The following CDKN2B-AS1 variants were observed in gnomAD, a reference collection of about 807,000 sequenced individuals.
CDKN2B-AS1 encodes CDKN2B antisense RNA 1 (non-protein coding).
intron 4 of CDKN2B-AS1, among the ~76,000 whole-genome samples, chr9:22,094,995 G>C (rs1213500381): frequency 6.9e-6 from 1 of 144,582 alleles, no homozygotes; most frequent in East Asian, 2.0e-4. Flanking sequence ...GTTTTGGTGT[G>C]GATGTCCTTT....
rs1820668990 is a variant in CDKN2B-AS1, at chr9:21,996,171, A to C, written n.29+1010A>C. Among the ~76,000 whole-genome samples, 1 of 152,318 alleles carries C rather than the reference A, an allele frequency of 6.6e-6. No homozygotes were observed. The highest frequency in any genetic ancestry group is 6.5e-5 in the Admixed American group (1 of 15,304). ...CGGTGCGGTAGCCTAGAGGAGCGGC[A>C]GACTTCTCTTTCCCCATCCCCCGCC... On this transcript the variant is annotated intron_variant and non_coding_transcript_variant, in intron 1 of 4. Coordinates refer to ENST00000650946, the Ensembl canonical transcript of CDKN2B-AS1. This position sits in a 1 kb window ranked among gnomAD's most constrained non-coding sequence, Gnocchi z 5.4.
chr9:22,049,177 G>A (rs1374584365), exon 3 of CDKN2B-AS1: 1 of 152,078 alleles, frequency 6.6e-6, no homozygotes, highest in Non-Finnish European at 1.5e-5. Flanking sequence ...AGAAAACCGG[G>A]GAGATCTATT....
intron 1 of CDKN2B-AS1, among the ~76,000 whole-genome samples, chr9:22,044,670 T>C (rs762173386): frequency 1.1e-4 from 16 of 151,998 alleles, no homozygotes; most frequent in Non-Finnish European, 2.1e-4. Context: ...CATAGCTTGA[T>C]GAAATATGAC....
At chr9:22,018,012 G>A (rs1380540160) in intron 1 of CDKN2B-AS1, among the ~76,000 whole-genome samples, 1 of 152,172 alleles carries the variant, frequency 6.6e-6, no homozygotes, top group Non-Finnish European at 1.5e-5. Flanking sequence ...ATATCAGGAG[G>A]GGTAGTGAGG....
chr9:22,060,548 T>G (rs1287993375), intron 4 of CDKN2B-AS1, among the ~76,000 whole-genome samples: 1 of 152,220 alleles, frequency 6.6e-6, no homozygotes, highest in Non-Finnish European at 1.5e-5. Context: ...TTTCTTCTTC[T>G]GAGCCTTTCA....
intron 1 of CDKN2B-AS1, among the ~76,000 whole-genome samples, chr9:22,032,271 T>C (rs905417603): frequency 1.4e-4 from 21 of 152,336 alleles, no homozygotes; most frequent in African/African-American, 4.8e-4. Context: ...GGAGTTCTGA[T>C]AGAATTGTGA....
intron 4 of CDKN2B-AS1, among the ~76,000 whole-genome samples, chr9:22,115,078 T>G (rs1174981363): frequency 6.6e-6 from 1 of 152,174 alleles, no homozygotes; most frequent in Non-Finnish European, 1.5e-5. Context: ...GAGCACCAAA[T>G]GGTAATTATA....
intron 4 of CDKN2B-AS1, among the ~76,000 whole-genome samples, chr9:22,102,503 G>A (rs1157041040): frequency 1.3e-5 from 2 of 152,216 alleles, no homozygotes; most frequent in East Asian, 1.9e-4. Context: ...CCATGCTCTC[G>A]GCAGAGGCTC....
chr9:22,095,097 G>A (rs981640456), intron 4 of CDKN2B-AS1, among the ~76,000 whole-genome samples: 1 of 144,802 alleles, frequency 6.9e-6, no homozygotes, highest in Admixed American at 6.7e-5. Context: ...TGTTTGCCTG[G>A]GTATCAGCAG....
At position 21,999,206 on chromosome 9, in the gene CDKN2B-AS1, G is replaced by C. The variant is rs900072229; in HGVS notation, n.29+4045G>C. Among the ~76,000 whole-genome samples, 4 of 151,864 alleles carry C rather than the reference G, an allele frequency of 2.6e-5. No homozygotes were observed. The highest frequency in any genetic ancestry group is 9.7e-5 in the African/African-American group (4 of 41,376). On this transcript the variant is annotated intron_variant and non_coding_transcript_variant, in intron 1 of 4. Coordinates refer to ENST00000650946, the Ensembl canonical transcript of CDKN2B-AS1. This position sits in a 1 kb window ranked among gnomAD's most constrained non-coding sequence, Gnocchi z 4.7. Reference sequence around the variant, plus strand: ...AGCATTACAATATCTAGTCAAAACTGTATGAGAATATAGGTACCCTTTGAC... The same window carrying C: ...AGCATTACAATATCTAGTCAAAACTCTATGAGAATATAGGTACCCTTTGAC...
In CDKN2B-AS1 at chr9:22,005,481, T is replaced by C. The variant is rs1821128288; in HGVS notation, n.29+10320T>C. On this transcript the variant is annotated intron_variant and non_coding_transcript_variant, in intron 1 of 4. Transcript: ENST00000650946. This position sits in a 1 kb window ranked among gnomAD's most constrained non-coding sequence, Gnocchi z 4.9. ...CCCACCTCGGCCCTCCTCCACTTTG[T>C]CCTCAGTCTTCAGGTTTTCCTTTCT... The C allele has an allele frequency of 3.8e-6, 1 of 263,708 alleles. No individual in the cohort carries two copies. Among genetic ancestry groups the C allele is most frequent in the Admixed American group, 4.8e-5 (1 of 20,890 alleles). The allele number at this position is 263,708 out of a possible 1,614,324, so 16.3% of individuals were successfully genotyped here. A position where few individuals can be genotyped will look rare whatever the true frequency, so the allele number is the denominator to read the frequency against.
At chr9:22,063,474 A>T (rs1028513447) in intron 4 of CDKN2B-AS1, among the ~76,000 whole-genome samples, 19 of 152,230 alleles carry the variant, frequency 1.2e-4, no homozygotes, top group African/African-American at 4.1e-4. Flanking sequence ...TCAAGTAAAA[A>T]AATTGAAGAG....
chr9:22,012,790 G>A (rs558014690), intron 1 of CDKN2B-AS1, among the ~76,000 whole-genome samples: 183 of 152,098 alleles, frequency 1.2e-3, no homozygotes, highest in African/African-American at 4.3e-3. Flanking sequence ...AATTTTTTAT[G>A]AACACACCTT....
At chr9:22,007,170 G>C (rs907428657) in intron 1 of CDKN2B-AS1, among the ~76,000 whole-genome samples, 1 of 152,026 alleles carries the variant, frequency 6.6e-6, no homozygotes, top group African/African-American at 2.4e-5. Flanking sequence ...GACCAGCCTG[G>C]CCAACATGGT....
chr9:22,013,447 C>G (rs1409637197), intron 1 of CDKN2B-AS1, among the ~76,000 whole-genome samples: 7 of 152,078 alleles, frequency 4.6e-5, no homozygotes, highest in Admixed American at 3.9e-4. Context: ...ATCTCTCTCT[C>G]TCTCTTTTTT....
At chr9:22,090,533 G>A (rs1825041587) in intron 4 of CDKN2B-AS1, among the ~76,000 whole-genome samples, 1 of 152,158 alleles carries the variant, frequency 6.6e-6, no homozygotes, top group African/African-American at 2.4e-5. Flanking sequence ...ACTGGTGTCA[G>A]ATGGTATCTC....
At chr9:22,093,662 A>G (rs1363114477) in intron 4 of CDKN2B-AS1, among the ~76,000 whole-genome samples, 3 of 139,724 alleles carry the variant, frequency 2.1e-5, no homozygotes, top group East Asian at 2.0e-4. Context: ...TTTGTTTTCC[A>G]TTTGCTTGGT....
intron 4 of CDKN2B-AS1, among the ~76,000 whole-genome samples, chr9:22,115,740 G>T (rs1316229146): frequency 6.6e-6 from 1 of 152,110 alleles, no homozygotes; most frequent in African/African-American, 2.4e-5. Flanking sequence ...TGGACTTGGG[G>T]ATTATTGGTG....
Position 22,005,840 on chromosome 9 carries a change from C to T in CDKN2B-AS1, n.29+10679C>T, listed in dbSNP as rs544534160. 1.9e-6 allele frequency: 2 copies of T among 1,076,628 alleles called. No individual in the cohort carries two copies. The highest frequency in any genetic ancestry group is 2.8e-5 in the South Asian group (2 of 70,290). The allele number at this position is 1,076,628 out of a possible 1,614,324, so 66.7% of individuals were successfully genotyped here. ...TGTATGGAAGGTTATTCCCGGTCGG[C>T]TCCTCCTTCCTGTGAGTCTCAGACA... On this transcript the variant is annotated intron_variant and non_coding_transcript_variant, in intron 1 of 4. Coordinates refer to ENST00000650946, the Ensembl canonical transcript of CDKN2B-AS1. This position sits in a 1 kb window ranked among gnomAD's most constrained non-coding sequence, Gnocchi z 4.9.
Sources: allele counts gnomAD v4.1 joint callset (sites outside exome capture counted in the v4.1 genomes callset), GRCh38; gene constraint gnomAD v4.1.1; non-coding constraint Gnocchi (gnomAD v3.1); transcripts MANE v1.5; gene names NCBI Gene and HGNC (gene_info 2026-07-23, HGNC 2026-07-21).